Variants in ADGB observed in about 807,000 individuals in gnomAD.
The protein encoded by ADGB is calpain-7-like protein.
ADGB carries 172 observed loss-of-function variants against 210.5 expected under a neutral mutation model. The observed-to-expected ratio is 0.82, with a 90% CI of 0.72 to 0.93. The LOEUF is 0.93. ADGB is among the 40% of genes least tolerant of loss of function. ADGB has a pLI of 0.00. For missense variants in ADGB, 2,025 were observed against 1,964.8 expected, an observed-to-expected ratio of 1.03 and a Z score of -0.58; for synonymous variants, 658 against 662.7, an observed-to-expected ratio of 0.99 and a Z score of 0.11.
In ADGB at chr6:146,633,746, G is replaced by A. The variant is rs546285527; in HGVS notation, c.75-1629G>A. 5.9e-5 allele frequency among the ~76,000 whole-genome samples: 9 copies of A among 152,130 alleles called. 1 individual carries two copies. Among genetic ancestry groups the A allele is most frequent in the Admixed American group, 5.3e-4 (8 of 15,232 alleles). Reference sequence around the variant, plus strand: ...TAACTCATCAGTTCCCCTGTACTGTGTTATATTTCCCTTTAGGAGTTTCAT... The same window carrying A: ...TAACTCATCAGTTCCCCTGTACTGTATTATATTTCCCTTTAGGAGTTTCAT... On this transcript the variant is annotated intron_variant, in intron 1 of 35. Coordinates refer to ENST00000397944, the MANE Select transcript of ADGB (RefSeq NM_024694.4).
In ADGB at chr6:146,666,871, A is replaced by G. The variant is rs1775943456; in HGVS notation, c.808A>G (p.Thr270Ala). The G allele has an allele frequency of 3.2e-6, 5 of 1,546,922 alleles. No homozygotes were observed. In the South Asian group the frequency reaches 3.6e-5, roughly 11 times the overall value. The change falls in exon 7 of 36, where the codon ACA (threonine) becomes GCA (alanine). Residue 270 changes from threonine to alanine, a missense_variant. Transcript: ENST00000397944. ...LGEFTVIHAL[T>A]GWLPEVISLH... is the part of the protein sequence containing the mutation. ...GGAGTTCACGGTTATTCATGCGCTC[A>G]CAGGATGGTTACCAGAAGTCATTTC...
intron 33 of ADGB, among the ~76,000 whole-genome samples, chr6:146,796,543 G>A (rs1392512626): frequency 1.3e-5 from 2 of 152,128 alleles, no homozygotes; most frequent in Admixed American, 1.3e-4. Context: ...ACAGAATAGA[G>A]AACCCAGAAA....
chr6:146,793,637 C>T (rs1246069281), intron 33 of ADGB, among the ~76,000 whole-genome samples: 3 of 151,894 alleles, frequency 2.0e-5, no homozygotes, highest in Non-Finnish European at 4.4e-5. Flanking sequence ...GTTAAAAATA[C>T]AGGGCCCGAA....
intron 35 of ADGB, among the ~76,000 whole-genome samples, chr6:146,813,214 G>T (rs1480715693): frequency 1.3e-5 from 2 of 151,918 alleles, no homozygotes; most frequent in Non-Finnish European, 1.5e-5. Flanking sequence ...GTGACCCTTT[G>T]GTCTCAACAT....
At position 146,740,560 on chromosome 6, in the gene ADGB, A is replaced by G; in HGVS notation, c.2990A>G (p.Glu997Gly). The change falls in exon 24 of 36, where the codon GAA becomes GGA. Residue 997 changes from glutamate to glycine, a missense_variant. Transcript: ENST00000397944. ...GCAGATTATACTGTGACTTATCAAGAACAGCCACCAAATTCTTGGTTTATA... is the reference window on the plus strand; with the variant it reads ...GCAGATTATACTGTGACTTATCAAGGACAGCCACCAAATTCTTGGTTTATA... ...AFADYTVTYQ[E>G]QPPNSWFIVF... 2 of 1,550,908 alleles carry G rather than the reference A, an allele frequency of 1.3e-6. No individual in the cohort carries two copies. The highest frequency in any genetic ancestry group is 1.7e-6 in the Non-Finnish European group (2 of 1,146,590).
chr6:146,710,156 G>A (rs893204155), intron 13 of ADGB, among the ~76,000 whole-genome samples: 1 of 150,280 alleles, frequency 6.7e-6, no homozygotes, highest in Admixed American at 6.6e-5. Context: ...ATCATATTAT[G>A]ATTATATATG....
chr6:146,692,283 T>C (rs1386159118), intron 11 of ADGB, among the ~76,000 whole-genome samples: 4 of 152,258 alleles, frequency 2.6e-5, no homozygotes, highest in Non-Finnish European at 4.4e-5. Flanking sequence ...CCTTTATTCA[T>C]TGAGAATTTC....
At chr6:146,679,877 G>T (rs970147616) in intron 9 of ADGB, among the ~76,000 whole-genome samples, 10 of 152,154 alleles carry the variant, frequency 6.6e-5, no homozygotes, top group African/African-American at 2.4e-4. Flanking sequence ...GAGAAAAAAT[G>T]ATTATGAGAA....
chr6:146,785,674 C>G lies in ADGB; in HGVS notation c.4277C>G (p.Pro1426Arg). 6.4e-7 allele frequency: 1 copy of G among 1,550,856 alleles called. No individual in the cohort carries two copies. Among genetic ancestry groups the G allele is most frequent in the Non-Finnish European group, 8.7e-7 (1 of 1,146,494 alleles). Residue 1426 changes from proline (P) to arginine (R), a missense_variant, in exon 32 of 36, where the codon CCG (proline) becomes CGG (arginine). By Grantham distance (103) the Pro-to-Arg change is moderately radical. Transcript: ENST00000397944. ...AAGAAAACATCTGATGCTGAGAGTC[C>G]GCCTATATCTGAAAGCCAAACTAAA... Reference protein sequence around the residue: ...FIKKTSDAESPPISESQTKPK... With the variant: ...FIKKTSDAESRPISESQTKPK...
At chr6:146,690,076 T>G (rs974837314) in intron 10 of ADGB, among the ~76,000 whole-genome samples, 2 of 152,160 alleles carry the variant, frequency 1.3e-5, no homozygotes, top group Non-Finnish European at 2.9e-5. Context: ...GTGCACTGAT[T>G]AACTCCTTCT....
intron 25 of ADGB, among the ~76,000 whole-genome samples, chr6:146,744,060 T>G (rs1308695511): frequency 6.6e-6 from 1 of 152,190 alleles, no homozygotes; most frequent in East Asian, 1.9e-4. Flanking sequence ...AAACAACCTT[T>G]GTCCCTGCTA....
At chr6:146,721,032 A>C (rs932833584) in intron 16 of ADGB, among the ~76,000 whole-genome samples, 1 of 152,060 alleles carries the variant, frequency 6.6e-6, no homozygotes, top group Non-Finnish European at 1.5e-5. Flanking sequence ...AAAGTTTCTT[A>C]CTCTATGGCC....
intron 1 of ADGB, among the ~76,000 whole-genome samples, chr6:146,629,052 G>A (rs1317588895): frequency 6.6e-6 from 1 of 152,102 alleles, no homozygotes; most frequent in Non-Finnish European, 1.5e-5. Context: ...ATTGCAAATT[G>A]TATTAAAACA....
intron 1 of ADGB, among the ~76,000 whole-genome samples, chr6:146,604,711 A>G (rs1583555584): frequency 2.0e-5 from 3 of 152,208 alleles, no homozygotes; most frequent in East Asian, 1.9e-4. Context: ...CTGAAACATG[A>G]TGCTTTCTGT....
At chr6:146,814,529 T>C (rs1778353312) in intron 35 of ADGB, among the ~76,000 whole-genome samples, 1 of 152,184 alleles carries the variant, frequency 6.6e-6, no homozygotes, top group Non-Finnish European at 1.5e-5. Flanking sequence ...GGCCTTGGTA[T>C]CCTGGATGAG....
chr6:146,667,154 A>G lies in ADGB; in HGVS notation c.839+252A>G, dbSNP rs9497600. Among the ~76,000 whole-genome samples the G allele has an allele frequency of 4.2e-3, 644 of 152,148 alleles. 2 individuals carry two copies. Among genetic ancestry groups the G allele is most frequent in the African/African-American group, 0.015 (626 of 41,542 alleles). Reference sequence around the variant, plus strand: ...CTCCTGTAACAGAAGACACATTAACAAGAGAAAAACACACAGAAGTTTATT... The same window carrying G: ...CTCCTGTAACAGAAGACACATTAACGAGAGAAAAACACACAGAAGTTTATT... On this transcript the variant is annotated intron_variant, in intron 7 of 35. Transcript: ENST00000397944.
At chr6:146,657,060 C>A in intron 5 of ADGB, 80 bp downstream of exon 5, 1 of 1,297,472 alleles carries the variant, frequency 7.7e-7, no homozygotes, top group Non-Finnish European at 1.1e-6. Flanking sequence ...TGGCTCATGC[C>A]TGTAATCGCA....
At position 146,635,394 on chromosome 6, in the gene ADGB, A is replaced by T; in HGVS notation, c.94A>T (p.Asn32Tyr). Residue 32 changes from asparagine to tyrosine, a missense_variant, in exon 2 of 36, where the codon AAT becomes TAT. Asn to Tyr is a moderately radical substitution (Grantham distance 143). Transcript: ENST00000397944. ...KSKDFYPFGSNVQSGSTEQKK... is the reference protein window; with the variant it reads ...KSKDFYPFGSYVQSGSTEQKK... The stretch of plus-strand genomic sequence containing the variant: ...GTCTAGTTTCTATCCTTTTGGCAGT[A>T]ATGTACAATCTGGTTCTACTGAACA... 6.5e-7 allele frequency: 1 copy of T among 1,533,364 alleles called. No individual in the cohort carries two copies. Among genetic ancestry groups the T allele is most frequent in the African/African-American group, 1.4e-5 (1 of 72,116 alleles). The allele number at this position is 1,533,364 out of a possible 1,614,324, so 95.0% of individuals were successfully genotyped here.
chr6:146,769,166 C>A, intron 29 of ADGB, 35 bp downstream of exon 29: 1 of 1,022,306 alleles, frequency 9.8e-7, no homozygotes, highest in Non-Finnish European at 1.4e-6. Context: ...ATGCACTTTA[C>A]ATTTGAATAA....
Sources: allele counts gnomAD v4.1 joint callset (sites outside exome capture counted in the v4.1 genomes callset), GRCh38; gene constraint gnomAD v4.1.1; transcripts MANE v1.5; gene names NCBI Gene and HGNC (gene_info 2026-07-23, HGNC 2026-07-21).